The following ANKS1B variants were observed in gnomAD, a reference collection of about 807,000 sequenced individuals.
ANKS1B encodes ankyrin repeat and sterile alpha motif domain-containing protein 1B.
In ANKS1B, 36 loss-of-function variants were observed where a neutral mutation model predicts 148.3. The ratio of observed to expected loss-of-function variants is 0.24; its 90% CI spans 0.19 to 0.32. ANKS1B has a LOEUF of 0.32. Among genes scored for constraint, ANKS1B ranks in the 10% least tolerant of loss-of-function variants. The pLI is 1.00. For missense variants in ANKS1B, 1,157 were observed against 1,542.6 expected, an observed-to-expected ratio of 0.75 and a Z score of 4.19; for synonymous variants, 542 against 560.8, an observed-to-expected ratio of 0.97 and a Z score of 0.47.
intron 8 of ANKS1B, among the ~76,000 whole-genome samples, chr12:99,707,077 G>T (rs778756520): frequency 6.6e-6 from 1 of 152,096 alleles, no homozygotes; most frequent in Non-Finnish European, 1.5e-5. Context: ...TAAATTTGTG[G>T]TAAAATGGCC....
chr12:99,949,737 T>C (rs1323824989), intron 1 of ANKS1B, among the ~76,000 whole-genome samples: 4 of 152,194 alleles, frequency 2.6e-5, no homozygotes, highest in Admixed American at 6.5e-5. Context: ...TAGTAAACTA[T>C]GGCCCACAGG....
intron 12 of ANKS1B, among the ~76,000 whole-genome samples, chr12:99,247,341 A>G (rs1237969553): frequency 1.3e-5 from 2 of 152,228 alleles, no homozygotes; most frequent in Non-Finnish European, 2.9e-5. Flanking sequence ...CCAAATTTTG[A>G]AAAAAGGTAT....
intron 17 of ANKS1B, among the ~76,000 whole-genome samples, chr12:98,967,953 C>T (rs1204451740): frequency 6.6e-6 from 1 of 152,070 alleles, no homozygotes; most frequent in African/African-American, 2.4e-5. Flanking sequence ...CATCATCACA[C>T]TCTATGCCCT....
intron 16 of ANKS1B, among the ~76,000 whole-genome samples, chr12:99,078,777 G>A (rs1054109905): frequency 3.9e-4 from 39 of 99,766 alleles, no homozygotes; most frequent in South Asian, 1.4e-3. Flanking sequence ...GGTCCCCACC[G>A]TCTGGTATTC....
At chr12:99,927,123 A>C (rs1428564610) in intron 1 of ANKS1B, among the ~76,000 whole-genome samples, 1 of 152,170 alleles carries the variant, frequency 6.6e-6, no homozygotes, top group East Asian at 1.9e-4. Context: ...GCCTAAGAAA[A>C]TGAAGGAGAC....
chr12:99,760,551 T>C (rs148371497), intron 8 of ANKS1B, among the ~76,000 whole-genome samples: 6 of 151,880 alleles, frequency 4.0e-5, no homozygotes, highest in South Asian at 2.1e-4. Flanking sequence ...GCAGAAGCAA[T>C]GTTAAGAGGA....
chr12:99,777,805 A>C (rs2063811530), intron 6 of ANKS1B, among the ~76,000 whole-genome samples: 1 of 150,932 alleles, frequency 6.6e-6, no homozygotes, highest in East Asian at 2.1e-4. Context: ...GGGATGGTCT[A>C]GATCTCCTGA....
At chr12:99,234,250 C>T (rs1323009084) in intron 14 of ANKS1B, among the ~76,000 whole-genome samples, 1 of 152,116 alleles carries the variant, frequency 6.6e-6, no homozygotes, top group Non-Finnish European at 1.5e-5. Context: ...TCCCAATTGT[C>T]AAGCAAAAGC....
At chr12:99,785,950 T>C (rs1056440005) in intron 4 of ANKS1B, among the ~76,000 whole-genome samples, 3 of 152,044 alleles carry the variant, frequency 2.0e-5, no homozygotes, top group Admixed American at 2.0e-4. Flanking sequence ...TACAGCACAG[T>C]TTTGAAGGAA....
chr12:99,979,025 GAA>G (rs1337901677), intron 1 of ANKS1B, among the ~76,000 whole-genome samples: 2 of 151,946 alleles, frequency 1.3e-5, no homozygotes, highest in Non-Finnish European at 2.9e-5. Context: ...ATTTTAAATG[GAA>G]ATTAGTTTTG....
intron 1 of ANKS1B, among the ~76,000 whole-genome samples, chr12:99,842,557 C>G (rs2085916783): frequency 6.6e-6 from 1 of 152,124 alleles, no homozygotes; most frequent in Non-Finnish European, 1.5e-5. Flanking sequence ...ACCTGGTCAC[C>G]ATGGCCTGTC....
intron 8 of ANKS1B, among the ~76,000 whole-genome samples, chr12:99,687,753 A>T (rs2098657735): frequency 3.9e-5 from 6 of 152,158 alleles, no homozygotes; most frequent in Admixed American, 3.9e-4. Flanking sequence ...ACTGTTTTAT[A>T]TATACATAAT....
At chr12:98,782,226 C>T in intron 22 of ANKS1B, 89 bp from the exon 23 acceptor site, 1 of 1,119,980 alleles carries the variant, frequency 8.9e-7, no homozygotes, top group African/African-American at 1.6e-5. Context: ...TTCAATAATT[C>T]ACCAACAGTG....
intron 9 of ANKS1B, among the ~76,000 whole-genome samples, chr12:99,516,450 G>T (rs568051732): frequency 1.1e-3 from 160 of 152,224 alleles, no homozygotes; most frequent in Non-Finnish European, 1.8e-3. Context: ...GGACATAGAT[G>T]AAGCTGGAAG....
intron 9 of ANKS1B, among the ~76,000 whole-genome samples, chr12:99,586,351 T>C (rs570202648): frequency 1.8e-4 from 28 of 152,334 alleles, no homozygotes; most frequent in South Asian, 8.3e-4. Flanking sequence ...AACAAGTTCT[T>C]CATCTCCATC....
rs2074025548 is a variant in ANKS1B at position 99,247,554 on chromosome 12, T to G, written c.1757-690A>C. On this transcript the variant is annotated intron_variant, in intron 12 of 26. Coordinates refer to ENST00000683438, the MANE Select transcript of ANKS1B (RefSeq NM_001352186.2). ...CACAAAGGTAGCTTTTTCTTTCTTC[T>G]CTGAAACGGCATTAGCTATTTTCTA... 2.0e-5 allele frequency among the ~76,000 whole-genome samples: 3 copies of G among 152,314 alleles called. No homozygotes were observed. In the South Asian group the frequency reaches 6.2e-4, roughly 32 times the overall value.
chr12:99,618,319 T>C (rs932410059), intron 9 of ANKS1B, among the ~76,000 whole-genome samples: 1 of 152,182 alleles, frequency 6.6e-6, no homozygotes, highest in African/African-American at 2.4e-5. Context: ...AACCATTCCA[T>C]GTTCATGGAT....
At chr12:99,164,249 T>C (rs1169781425) in intron 14 of ANKS1B, among the ~76,000 whole-genome samples, 1 of 152,164 alleles carries the variant, frequency 6.6e-6, no homozygotes, top group East Asian at 1.9e-4. Flanking sequence ...AAAATGAGCA[T>C]TTAAAAATGT....
chr12:99,605,243 G>A (rs567034673), intron 9 of ANKS1B, among the ~76,000 whole-genome samples: 7 of 152,128 alleles, frequency 4.6e-5, no homozygotes, highest in African/African-American at 1.7e-4. Context: ...CTTATGGAGT[G>A]TACATTGCAT....
Sources: allele counts gnomAD v4.1 joint callset (sites outside exome capture counted in the v4.1 genomes callset), GRCh38; gene constraint gnomAD v4.1.1; transcripts MANE v1.5; gene names NCBI Gene and HGNC (gene_info 2026-07-23, HGNC 2026-07-21).